The following GOSR2 variants were observed in gnomAD, a reference collection of about 807,000 sequenced individuals.
The protein encoded by GOSR2 is golgi SNAP receptor complex member 2, also known as 27 kDa Golgi SNARE protein.
GOSR2 carries 20 observed loss-of-function variants against 27.9 expected under a neutral mutation model. The ratio of observed to expected loss-of-function variants is 0.72; its 90% CI spans 0.50 to 1.04. The LOEUF (loss-of-function observed/expected upper bound fraction) is 1.04, where lower values mean the gene tolerates loss of function less well. GOSR2 is among the 50% of genes least tolerant of loss of function. The probability of loss-of-function intolerance (pLI) is 0.00; values close to 1 mark genes in which losing one functional copy is unlikely to be tolerated. For missense variants in GOSR2, 261 were observed against 270.5 expected (o/e 0.97, Z 0.25); for synonymous variants, 91 against 98.8 (o/e 0.92, Z 0.47).
chr17:46,970,648 C>T (rs933043719), downstream of GOSR2, among the ~76,000 whole-genome samples: 3 of 151,928 alleles, frequency 2.0e-5, no homozygotes, highest in Admixed American at 6.6e-5. Flanking sequence ...AGCCTGTCTG[C>T]GAGGCAGGGG....
intron 1 of GOSR2, among the ~76,000 whole-genome samples, chr17:46,927,012 C>A (rs1230354893): frequency 2.0e-5 from 3 of 152,192 alleles, no homozygotes; most frequent in African/African-American, 7.2e-5. Context: ...ATTTATAATC[C>A]TACCAGCTGG....
downstream of GOSR2, among the ~76,000 whole-genome samples, chr17:46,967,296 C>T (rs930368487): frequency 2.6e-5 from 4 of 152,186 alleles, no homozygotes; most frequent in African/African-American, 9.7e-5. Context: ...AGTCTCTTAC[C>T]CTTGCTGGGC....
chr17:46,923,820 C>G, intron 1 of GOSR2: 1 of 400,364 alleles, frequency 2.5e-6, no homozygotes, highest in Non-Finnish European at 4.4e-6. Flanking sequence ...TTGGTAGTGT[C>G]CTTTATTCGC....
In GOSR2 at chr17:46,940,742, A is replaced by G; in HGVS notation, c.*1982A>G. On this transcript the variant is annotated 3_prime_UTR_variant, in exon 6 of 6. Transcript: ENST00000640051. ...CAGTGGTTGGCTTTGATGAACCCTC[A>G]TGCTGCACCTTCAGAGCCAGTCCTC... The G allele has an allele frequency of 6.3e-7, 1 of 1,577,676 alleles. No individual in the cohort carries two copies. Among genetic ancestry groups the G allele is most frequent in the Non-Finnish European group, 8.6e-7 (1 of 1,165,966 alleles).
At chr17:46,971,086 C>G (rs541814581), downstream of GOSR2, among the ~76,000 whole-genome samples, 1 of 152,226 alleles carries the variant, frequency 6.6e-6, no homozygotes, top group Non-Finnish European at 1.5e-5. Flanking sequence ...TGCGGTGGCT[C>G]ATGCCTGTAA....
chr17:46,923,387 G>C (rs895199968), intron 1 of GOSR2, 166 bp downstream of exon 1: 1 of 1,464,850 alleles, frequency 6.8e-7, no homozygotes. Flanking sequence ...GGGACTCCCA[G>C]GTCAGCCACA....
chr17:46,944,683 T>G (rs1178893189), downstream of GOSR2, among the ~76,000 whole-genome samples: 3 of 151,776 alleles, frequency 2.0e-5, no homozygotes, highest in African/African-American at 7.3e-5. Flanking sequence ...CACTGCAGCC[T>G]CTGCCTCCTG....
rs191771831 is a variant in GOSR2 at position 46,927,723 on chromosome 17, T to A, written c.30-1797T>A. Reference sequence around the variant, plus strand: ...GCTGTAGGGTTTGCCTTTCCTTGTCTGTCTGCACCTGCACTGCCGCCATAT... The same window carrying A: ...GCTGTAGGGTTTGCCTTTCCTTGTCAGTCTGCACCTGCACTGCCGCCATAT... On this transcript the variant is annotated intron_variant, in intron 1 of 5. Transcript: ENST00000640051. Among the ~76,000 whole-genome samples, 266 of 152,324 alleles carry A rather than the reference T, an allele frequency of 1.7e-3. 3 individuals are homozygous for A. Among genetic ancestry groups the A allele is most frequent in the Non-Finnish European group, 2.5e-3 (167 of 68,028 alleles).
intron 6 of GOSR2, chr17:46,965,162 G>C (rs970050247): frequency 6.6e-6 from 1 of 152,210 alleles, no homozygotes; most frequent in Non-Finnish European, 1.5e-5. Context: ...GCATGTTCTC[G>C]GGTGGGCAGG....
downstream of GOSR2, among the ~76,000 whole-genome samples, chr17:46,942,436 G>A (rs1054743075): frequency 2.0e-5 from 3 of 152,208 alleles, no homozygotes; most frequent in Non-Finnish European, 2.9e-5. Flanking sequence ...CCTCACAGGA[G>A]TCCGAGAGGA....
intron 1 of GOSR2, among the ~76,000 whole-genome samples, chr17:46,925,255 G>A (rs2086315349): frequency 6.6e-6 from 1 of 152,200 alleles, no homozygotes; most frequent in South Asian, 2.1e-4. Flanking sequence ...ATGTACCTGT[G>A]TTCCAGTACA....
rs755662176 is a variant in GOSR2 at position 46,931,115 on chromosome 17, C to G, written c.111C>G (p.Ile37Met). Residue 37 changes from isoleucine to methionine, a missense_variant, in exon 3 of 6, where the codon ATC becomes ATG. Transcript: ENST00000640051. ...KQSVHIVENE[I>M]QASIDQIFSR... ...TTTGTACAGTAGTAGAAAACGAAAT[C>G]CAAGCAAGCATAGACCAGATATTCA... 2 of 1,596,100 alleles carry G rather than the reference C, an allele frequency of 1.3e-6. No individual in the cohort carries two copies. The highest frequency in any genetic ancestry group is 2.2e-5 in the East Asian group (1 of 44,766).
Position 46,931,086 on chromosome 17 carries a change from C to A in GOSR2, c.95-13C>A. On this transcript the variant is annotated splice_polypyrimidine_tract_variant and intron_variant, in intron 2 of 5. Transcript: ENST00000640051. ...TCTTTTCCAGCAATTATTCTTTTTT[C>A]TTTTTTGTACAGTAGTAGAAAACGA... 7.4e-7 allele frequency: 1 copy of A among 1,359,386 alleles called. No homozygotes were observed. The allele number at this position is 1,359,386 out of a possible 1,614,324, so 84.2% of individuals were successfully genotyped here.
intron 1 of GOSR2, among the ~76,000 whole-genome samples, chr17:46,924,713 A>G (rs977188369): frequency 6.6e-6 from 1 of 152,214 alleles, no homozygotes; most frequent in African/African-American, 2.4e-5. Context: ...TTTCTTTTAC[A>G]CTGGGGAGCC....
At position 46,923,278 on chromosome 17, in the gene GOSR2, G is replaced by C. The variant is rs981131543; in HGVS notation, c.29+57G>C. ...AGACGAGGCGAGGCCAGGTGAGCCT[G>C]GCTTCTGGGGCTGAGGCCTCGGACG... On this transcript the variant is annotated intron_variant, in intron 1 of 5. Transcript: ENST00000640051. 8.4e-6 allele frequency: 13 copies of C among 1,550,026 alleles called. No individual in the cohort carries two copies. In the East Asian group the frequency reaches 3.2e-4, roughly 38 times the overall value.
chr17:46,937,013 A>G (rs1386461426), intron 5 of GOSR2: 1 of 170,052 alleles, frequency 5.9e-6, no homozygotes, highest in Non-Finnish European at 1.2e-5. Flanking sequence ...TGCCATGCAT[A>G]TAAGTTGCAG....
intron 1 of GOSR2, among the ~76,000 whole-genome samples, chr17:46,925,373 T>C (rs1197864150): frequency 6.6e-6 from 1 of 152,248 alleles, no homozygotes; most frequent in African/African-American, 2.4e-5. Context: ...GCACCTACTA[T>C]GTGCTGTGCA....
chr17:46,929,662 C>A, intron 2 of GOSR2, 78 bp downstream of exon 2: 1 of 792,814 alleles, frequency 1.3e-6, no homozygotes. Flanking sequence ...TGACTGCACT[C>A]TGCCTTGGGG....
intron 6 of GOSR2, among the ~76,000 whole-genome samples, chr17:46,960,424 C>G (rs1296854670): frequency 1.3e-5 from 2 of 152,186 alleles, no homozygotes. Context: ...ATGGAACAGC[C>G]ACTATGAAAA....
Sources: allele counts gnomAD v4.1 joint callset (sites outside exome capture counted in the v4.1 genomes callset), GRCh38; gene constraint gnomAD v4.1.1; transcripts MANE v1.5; gene names NCBI Gene and HGNC (gene_info 2026-07-23, HGNC 2026-07-21).